Variants in KCNH8 observed in about 807,000 individuals in gnomAD.
The protein encoded by KCNH8 is voltage-gated delayed rectifier potassium channel KCNH8.
Under a neutral mutation model 103.6 loss-of-function variants are expected in KCNH8, and 70 were observed. The observed-to-expected ratio is 0.68, with a 90% CI of 0.56 to 0.82. The LOEUF (loss-of-function observed/expected upper bound fraction) is 0.82, where lower values mean the gene tolerates loss of function less well. Ranked by LOEUF, KCNH8 falls within the 40% of genes least tolerant of loss-of-function variation. The probability of loss-of-function intolerance (pLI) is 0.00; values close to 1 mark genes in which losing one functional copy is unlikely to be tolerated. For synonymous variants in KCNH8, 498 were observed against 489.4 expected (o/e 1.02, Z -0.23); for missense variants, 1,217 against 1,329.9 (o/e 0.92, Z 1.32).
At chr3:19,362,917 G>A (rs977676311) in intron 5 of KCNH8, among the ~76,000 whole-genome samples, 2 of 152,124 alleles carry the variant, frequency 1.3e-5, no homozygotes, top group African/African-American at 4.8e-5. Context: ...CTCCCAAAGT[G>A]CCAGGATTAC....
intron 11 of KCNH8, among the ~76,000 whole-genome samples, chr3:19,463,090 T>C (rs1419280439): frequency 6.6e-6 from 1 of 152,126 alleles, no homozygotes; most frequent in Non-Finnish European, 1.5e-5. Flanking sequence ...TTGTATTAGG[T>C]ATTATAAGTA....
chr3:19,216,319 GTGTT>G (rs1313641386), intron 1 of KCNH8, among the ~76,000 whole-genome samples: 2 of 152,224 alleles, frequency 1.3e-5, no homozygotes, highest in Non-Finnish European at 2.9e-5. Context: ...GGGACGAAGA[GTGTT>G]TGTGTTACAC....
chr3:19,264,245 G>A (rs1334260624), intron 2 of KCNH8, among the ~76,000 whole-genome samples: 1 of 152,090 alleles, frequency 6.6e-6, no homozygotes, highest in Non-Finnish European at 1.5e-5. Flanking sequence ...AAAGGCAAAG[G>A]GTTGAGAAAG....
intron 2 of KCNH8, among the ~76,000 whole-genome samples, chr3:19,263,802 C>G (rs2064468754): frequency 6.6e-6 from 1 of 152,076 alleles, no homozygotes; most frequent in African/African-American, 2.4e-5. Context: ...TTGTGTTGCA[C>G]AACTTCAATA....
intron 15 of KCNH8, among the ~76,000 whole-genome samples, chr3:19,522,663 A>G (rs2068992118): frequency 6.6e-6 from 1 of 151,828 alleles, no homozygotes; most frequent in African/African-American, 2.4e-5. Flanking sequence ...AAAATTTACT[A>G]TCACATCCAA....
rs142173033 is a variant in KCNH8 at position 19,382,010 on chromosome 3, C to G, written c.812-8471C>G. 3.6e-3 allele frequency among the ~76,000 whole-genome samples: 551 copies of G among 152,262 alleles called. 3 individuals carry two copies. The highest frequency in any genetic ancestry group is 3.7e-3 in the Non-Finnish European group (252 of 68,002). ...TGGAGTTCTGGTTCCAGTTATATCT[C>G]TATCCATTGTTGGCTACAAAGATGG... On this transcript the variant is annotated intron_variant, in intron 5 of 15. Coordinates refer to ENST00000328405, the MANE Select transcript of KCNH8 (RefSeq NM_144633.3).
chr3:19,434,696 A>G (rs565817969), intron 7 of KCNH8, among the ~76,000 whole-genome samples: 22 of 152,230 alleles, frequency 1.4e-4, no homozygotes, highest in African/African-American at 5.3e-4. Context: ...AAATGTTAGT[A>G]AGAGTATTTT....
intron 3 of KCNH8, among the ~76,000 whole-genome samples, chr3:19,335,742 A>T (rs1421353688): frequency 1.3e-5 from 2 of 151,626 alleles, no homozygotes; most frequent in East Asian, 1.9e-4. Context: ...CAAAATTTTT[A>T]CTACTTTTTG....
intron 1 of KCNH8, among the ~76,000 whole-genome samples, chr3:19,240,567 G>T (rs563762637): frequency 6.6e-6 from 1 of 150,808 alleles, no homozygotes; most frequent in African/African-American, 2.4e-5. Context: ...AGCCGAGATC[G>T]TGCCACTGTA....
chr3:19,399,542 T>G (rs1240777130), intron 7 of KCNH8, among the ~76,000 whole-genome samples: 1 of 151,944 alleles, frequency 6.6e-6, no homozygotes, highest in Non-Finnish European at 1.5e-5. Flanking sequence ...TTGACCAAAA[T>G]GACCTCAATG....
chr3:19,175,472 G>A (rs2063390223), intron 1 of KCNH8, among the ~76,000 whole-genome samples: 1 of 152,102 alleles, frequency 6.6e-6, no homozygotes, highest in African/African-American at 2.4e-5. Flanking sequence ...GCCTCCCAAA[G>A]TGCTAGGATT....
chr3:19,376,447 C>G (rs941055528), intron 5 of KCNH8, among the ~76,000 whole-genome samples: 3 of 152,204 alleles, frequency 2.0e-5, no homozygotes, highest in Admixed American at 6.5e-5. Flanking sequence ...ATGCCTCTCC[C>G]TGCTTCGGCT....
chr3:19,481,174 T>G (rs1387926647), intron 11 of KCNH8, among the ~76,000 whole-genome samples: 1 of 152,156 alleles, frequency 6.6e-6, no homozygotes, highest in African/African-American at 2.4e-5. Context: ...ATTTTGTTGT[T>G]TATTTATATA....
At chr3:19,288,876 C>T (rs1042519389) in intron 3 of KCNH8, among the ~76,000 whole-genome samples, 25 of 152,210 alleles carry the variant, frequency 1.6e-4, no homozygotes, top group Middle Eastern at 3.4e-3. Flanking sequence ...TTTCTCCACA[C>T]CCTCTCCAGC....
At chr3:19,473,619 G>A (rs1451459038) in intron 11 of KCNH8, among the ~76,000 whole-genome samples, 2 of 152,172 alleles carry the variant, frequency 1.3e-5, no homozygotes, top group Non-Finnish European at 2.9e-5. Flanking sequence ...GTAAAAAACA[G>A]TATTTTACTT....
intron 7 of KCNH8, among the ~76,000 whole-genome samples, chr3:19,421,327 C>T (rs1454388940): frequency 6.6e-6 from 1 of 152,080 alleles, no homozygotes; most frequent in East Asian, 1.9e-4. Context: ...TTTTGAACCT[C>T]CCATTTTAAG....
At chr3:19,342,539 G>A (rs761869708) in intron 3 of KCNH8, 48 bp from the exon 4 acceptor site, 1 of 1,567,966 alleles carries the variant, frequency 6.4e-7, no homozygotes, top group Admixed American at 1.8e-5. Context: ...CATTCTTGAG[G>A]TGAAATGATG....
chr3:19,392,330 A>G (rs975530672), intron 6 of KCNH8, among the ~76,000 whole-genome samples: 10 of 150,510 alleles, frequency 6.6e-5, no homozygotes, highest in Admixed American at 1.3e-4. Flanking sequence ...AAAAAAAAAA[A>G]AAAAGAAAAG....
intron 11 of KCNH8, among the ~76,000 whole-genome samples, chr3:19,479,609 T>G (rs2068046562): frequency 6.6e-6 from 1 of 152,112 alleles, no homozygotes; most frequent in Admixed American, 6.6e-5. Context: ...CCACCTGCCA[T>G]GGGTGTTATT....
Sources: gnomAD v4.1 joint callset for allele counts (sites outside exome capture counted in the v4.1 genomes callset) on GRCh38, gnomAD v4.1.1 for gene constraint, MANE v1.5 for transcripts, NCBI Gene and HGNC (gene_info 2026-07-23, HGNC 2026-07-21) for gene names.